Variants in PTK2 observed in about 807,000 individuals in gnomAD.
The protein encoded by PTK2 is protein tyrosine kinase 2, also known as focal adhesion kinase 1.
A neutral mutation model predicts 150.1 loss-of-function variants in PTK2; 45 were observed. The observed-to-expected ratio is 0.30, with a 90% CI of 0.24 to 0.38. The LOEUF (loss-of-function observed/expected upper bound fraction) is 0.38, where lower values mean the gene tolerates loss of function less well. Among genes scored for constraint, PTK2 ranks in the 10% least tolerant of loss-of-function variants. The pLI is 1.00. For synonymous variants in PTK2, 432 were observed against 449.2 expected, an observed-to-expected ratio of 0.96 and a Z score of 0.48; for missense variants, 919 against 1,307.3, an observed-to-expected ratio of 0.70 and a Z score of 4.58.
chr8:140,958,834 T>C (rs2100182105), intron 1 of PTK2, among the ~76,000 whole-genome samples: 1 of 152,280 alleles, frequency 6.6e-6, no homozygotes. Context: ...TGGCTCACAA[T>C]ATATTTCTAT....
chr8:140,923,973 ATCAC>A, intron 2 of PTK2, among the ~76,000 whole-genome samples: 1 of 152,118 alleles, frequency 6.6e-6, no homozygotes, highest in East Asian at 1.9e-4. Flanking sequence ...CAAAACATCA[ATCAC>A]ACAATTTTAC....
At chr8:140,713,808 C>A (rs1037551294) in intron 23 of PTK2, among the ~76,000 whole-genome samples, 8 of 152,152 alleles carry the variant, frequency 5.3e-5, no homozygotes, top group African/African-American at 1.9e-4. Flanking sequence ...GTGATCCATA[C>A]ATATTCTTAA....
intron 4 of PTK2, among the ~76,000 whole-genome samples, chr8:140,867,123 T>C (rs1356087604): frequency 3.9e-5 from 6 of 152,144 alleles, no homozygotes; most frequent in Non-Finnish European, 5.9e-5. Context: ...TACCAAGTCA[T>C]GATAGTCGGG....
chr8:140,801,758 G>A (rs1396396773), intron 11 of PTK2, among the ~76,000 whole-genome samples: 1 of 152,088 alleles, frequency 6.6e-6, no homozygotes, highest in Non-Finnish European at 1.5e-5. Flanking sequence ...AACACAGTGT[G>A]GAAATTAACT....
chr8:140,719,719 G>C (rs935449192), intron 22 of PTK2, among the ~76,000 whole-genome samples: 3 of 151,800 alleles, frequency 2.0e-5, no homozygotes, highest in African/African-American at 7.3e-5. Flanking sequence ...TAACAGAAAA[G>C]AAAACTCAAA....
intron 19 of PTK2, 100 bp downstream of exon 22, chr8:140,744,552 C>A (rs2100057593): frequency 3.4e-6 from 2 of 595,526 alleles, no homozygotes; most frequent in East Asian, 2.7e-5. Flanking sequence ...CCAAAGGGGA[C>A]CCTGGATCCA....
chr8:140,672,184 C>T (rs2095624575), intron 29 of PTK2: 1 of 452,648 alleles, frequency 2.2e-6, no homozygotes, highest in African/African-American at 2.0e-5. Context: ...ATTCATTAAT[C>T]TCATTCTGTC....
chr8:140,951,745 A>G (rs1277627987), intron 1 of PTK2, among the ~76,000 whole-genome samples: 2 of 152,098 alleles, frequency 1.3e-5, no homozygotes, highest in African/African-American at 2.4e-5. Context: ...TTAGCCACGC[A>G]TGGTAGCATG....
At chr8:140,840,406 G>C (rs1037257246) in intron 7 of PTK2, among the ~76,000 whole-genome samples, 2 of 152,028 alleles carry the variant, frequency 1.3e-5, no homozygotes, top group African/African-American at 4.8e-5. Context: ...AATAATAACT[G>C]TATAAAATAA....
intron 4 of PTK2, among the ~76,000 whole-genome samples, chr8:140,869,725 A>G (rs1267905530): frequency 1.3e-5 from 2 of 152,168 alleles, no homozygotes; most frequent in Admixed American, 6.5e-5. Flanking sequence ...AAGACAATAA[A>G]TATGTTGCTG....
intron 1 of PTK2, among the ~76,000 whole-genome samples, chr8:140,959,444 T>C (rs4961307): frequency 0.97 from 145,481 of 150,606 alleles, 70,440 homozygotes; most frequent in East Asian, 1. Context: ...GAGGCTGAGG[T>C]AAGAGAATGG....
intron 22 of PTK2, among the ~76,000 whole-genome samples, chr8:140,719,839 T>C (rs985075494): frequency 1.5e-5 from 2 of 129,546 alleles, no homozygotes; most frequent in African/African-American, 3.2e-5. Flanking sequence ...TGAGCCAAGA[T>C]AGCACCACTG....
intron 29 of PTK2, chr8:140,670,103 A>G (rs1193814472): frequency 5.2e-6 from 1 of 191,352 alleles, no homozygotes; most frequent in Non-Finnish European, 1.1e-5. Context: ...AATTACTGAA[A>G]AGTGCCCATC....
intron 19 of PTK2, among the ~76,000 whole-genome samples, chr8:140,743,789 T>C (rs1271211414): frequency 6.6e-6 from 1 of 151,518 alleles, no homozygotes; most frequent in Non-Finnish European, 1.5e-5. Context: ...TCTTTTTTTT[T>C]TTTTTTGAGA....
intron 5 of PTK2, among the ~76,000 whole-genome samples, chr8:140,862,933 C>T (rs567270530): frequency 6.6e-6 from 1 of 152,168 alleles, no homozygotes; most frequent in South Asian, 2.1e-4. Context: ...AGCAGCAGGC[C>T]CCAACCTATC....
At chr8:140,659,027 G>A (rs2075893642) in exon 32 of PTK2, 1 of 230,618 alleles carries the variant, frequency 4.3e-6, no homozygotes, top group Middle Eastern at 1.3e-3. Context: ...TTCTATGGTA[G>A]ACAAAAGAAT....
In PTK2 at chr8:140,953,556, AG is replaced by A. The variant is rs531218061; in HGVS notation, c.-121-27808del. Reference sequence around the variant, plus strand: ...CAGGTGGGATAGGGCGGGACAGATCAGGGTGCATGAGATTTCATCAGGCTAC... The same window carrying A: ...CAGGTGGGATAGGGCGGGACAGATCAGGTGCATGAGATTTCATCAGGCTAC... On this transcript the variant is annotated intron_variant, in intron 1 of 31. Transcript: ENST00000522684. Among the ~76,000 whole-genome samples the A allele has an allele frequency of 5.9e-5, 9 of 152,348 alleles. No homozygotes were observed. In the South Asian group the frequency reaches 1.9e-3, roughly 32 times the overall value.
chr8:140,945,838 T>G lies in PTK2; in HGVS notation c.-121-20089A>C, dbSNP rs555692380. Among the ~76,000 whole-genome samples the G allele has an allele frequency of 1.3e-3, 199 of 152,264 alleles. 1 individual carries two copies. Among genetic ancestry groups the G allele is most frequent in the African/African-American group, 4.6e-3 (193 of 41,550 alleles). On this transcript the variant is annotated intron_variant, in intron 1 of 31. Coordinates refer to ENST00000522684, the Ensembl canonical transcript of PTK2. ...CATCTCCATGCTTTTTCTGGCACCA[T>G]TTTCACTACCTAGAATGCTCTTCCT...
At chr8:140,837,490 A>G (rs2100119423) in intron 7 of PTK2, among the ~76,000 whole-genome samples, 1 of 151,996 alleles carries the variant, frequency 6.6e-6, no homozygotes, top group Non-Finnish European at 1.5e-5. Flanking sequence ...GCACTTTGGG[A>G]GGCCAACGCG....
Sources: allele counts gnomAD v4.1 joint callset (sites outside exome capture counted in the v4.1 genomes callset), GRCh38; gene constraint gnomAD v4.1.1; transcripts MANE v1.5; gene names NCBI Gene and HGNC (gene_info 2026-07-23, HGNC 2026-07-21).